The following TRIM33 variants were observed in gnomAD, a reference collection of about 807,000 sequenced individuals.
TRIM33 encodes the protein tripartite motif containing 33.
Under a neutral mutation model 125.4 loss-of-function variants are expected in TRIM33, and 20 were observed. That is an observed-to-expected ratio of 0.16 (90% CI 0.11 to 0.23). The LOEUF (loss-of-function observed/expected upper bound fraction) is 0.23, where lower values mean the gene tolerates loss of function less well. TRIM33 is among the 10% of genes least tolerant of loss of function. TRIM33 has a pLI of 1.00. For synonymous variants in TRIM33, 564 were observed against 513.9 expected (o/e 1.10, Z -1.32); for missense variants, 920 against 1,411.4 (o/e 0.65, Z 5.58).
At chr1:114,416,320 C>T (rs1572027413) in intron 11 of TRIM33, among the ~76,000 whole-genome samples, 1 of 152,280 alleles carries the variant, frequency 6.6e-6, no homozygotes, top group South Asian at 2.1e-4. Flanking sequence ...ATAAGTGAAA[C>T]ACTAAATATA....
intron 4 of TRIM33, among the ~76,000 whole-genome samples, chr1:114,438,258 A>G (rs920395439): frequency 1.3e-5 from 2 of 152,212 alleles, no homozygotes; most frequent in African/African-American, 2.4e-5. Flanking sequence ...AAAATGCATC[A>G]TAGTGCTTTA....
At position 114,421,597 on chromosome 1, in the gene TRIM33, A is replaced by G; in HGVS notation, c.1900T>C (p.Ser634Pro). ...GGGTTGATTGTGGTGTTGTGTACCGATACTACGGGAAAGGGTCCAGCATGC... is the reference window on the plus strand; with the variant it reads ...GGGTTGATTGTGGTGTTGTGTACCGGTACTACGGGAAAGGGTCCAGCATGC... Reference protein sequence around the residue: ...PGHAGPFPVVSVHNTTINPTS... With the variant: ...PGHAGPFPVVPVHNTTINPTS... Residue 634 changes from serine to proline, a missense_variant, in exon 11 of 20, where the codon TCG (serine) becomes CCG (proline). By Grantham distance (74) the Ser-to-Pro change is moderately conservative. This residue lies in a region of TRIM33 where 407 missense variants were observed against 589.7 expected (regional missense o/e 0.69). Coordinates refer to ENST00000358465, the MANE Select transcript of TRIM33 (RefSeq NM_015906.4). 1 of 1,614,112 alleles carries G rather than the reference A, an allele frequency of 6.2e-7. No individual in the cohort carries two copies. Among genetic ancestry groups the G allele is most frequent in the Non-Finnish European group, 8.5e-7 (1 of 1,180,008 alleles).
chr1:114,405,275 C>G (rs973998077), intron 15 of TRIM33, 135 bp downstream of exon 15: 1 of 650,722 alleles, frequency 1.5e-6, no homozygotes, highest in African/African-American at 1.8e-5. Flanking sequence ...GAAGCTAATA[C>G]CAAAAGAATA....
At chr1:114,487,117 A>G (rs1231136590) in intron 1 of TRIM33, among the ~76,000 whole-genome samples, 2 of 151,940 alleles carry the variant, frequency 1.3e-5, no homozygotes, top group Non-Finnish European at 2.9e-5. Flanking sequence ...TTGAACAAAT[A>G]ATGACTGAAA....
At chr1:114,417,648 A>AT (rs1553207735) in intron 11 of TRIM33, among the ~76,000 whole-genome samples, 2 of 151,874 alleles carry the variant, frequency 1.3e-5, no homozygotes, top group Non-Finnish European at 2.9e-5. Flanking sequence ...AACTTTTCTT[A>AT]TTATTTATTT....
intron 10 of TRIM33, 54 bp from the exon 11 acceptor site, chr1:114,421,690 A>C (rs954892230): frequency 6.1e-5 from 94 of 1,543,920 alleles, no homozygotes; most frequent in Non-Finnish European, 7.0e-5. Flanking sequence ...CGCTGAATAT[A>C]AACTATACCT....
chr1:114,413,190 G>T (rs2101117129), intron 11 of TRIM33, among the ~76,000 whole-genome samples: 1 of 151,880 alleles, frequency 6.6e-6, no homozygotes, highest in East Asian at 1.9e-4. Context: ...ACCAACAGAG[G>T]GCTAAAAAAA....
At position 114,510,617 on chromosome 1, in the gene TRIM33, G is replaced by C; in HGVS notation, c.460C>G (p.Leu154Val). Residue 154 changes from leucine to valine, a missense_variant, in exon 1 of 20, where the codon CTG (leucine) becomes GTG (valine). Physicochemically the swap from Leu to Val is conservative, Grantham distance 32. Transcript: ENST00000358465. The stretch of plus-strand genomic sequence containing the variant: ...CTGAGCTGGCGCTCCGGCTCGGGCA[G>C]GCAGCGCAGGCAGAAGGAGTGAAGA... ...PCLHSFCLRC[L>V]PEPERQLSVP... The C allele has an allele frequency of 6.4e-7, 1 of 1,562,228 alleles. No individual in the cohort carries two copies. Among genetic ancestry groups the C allele is most frequent in the Non-Finnish European group, 8.6e-7 (1 of 1,160,606 alleles).
intron 16 of TRIM33, 54 bp from the exon 17 acceptor site, chr1:114,401,517 A>G (rs1193924528): frequency 6.9e-7 from 1 of 1,455,558 alleles, no homozygotes; most frequent in African/African-American, 1.4e-5. Context: ...CTAATAAAAC[A>G]TTCTCGAGAA....
chr1:114,494,674 T>A (rs1381259492), intron 1 of TRIM33, among the ~76,000 whole-genome samples: 1 of 152,148 alleles, frequency 6.6e-6, no homozygotes, highest in Non-Finnish European at 1.5e-5. Flanking sequence ...AAAAATGATA[T>A]TCAAAGGCCA....
At chr1:114,475,567 C>T (rs1446725701) in intron 1 of TRIM33, among the ~76,000 whole-genome samples, 3 of 152,122 alleles carry the variant, frequency 2.0e-5, no homozygotes, top group African/African-American at 4.8e-5. Flanking sequence ...CCTGTAGTCC[C>T]AGCTACTCGG....
intron 16 of TRIM33, 60 bp from the exon 17 acceptor site, chr1:114,401,523 G>T: frequency 1.4e-6 from 2 of 1,411,156 alleles, no homozygotes; most frequent in South Asian, 1.2e-5. Context: ...AAACATTCTC[G>T]AGAATGAGAA....
intron 4 of TRIM33, among the ~76,000 whole-genome samples, chr1:114,455,077 A>G (rs560708640): frequency 6.6e-6 from 1 of 152,160 alleles, no homozygotes; most frequent in Non-Finnish European, 1.5e-5. Context: ...AGAATGGAAG[A>G]GTGTGTCTAG....
chr1:114,467,483 A>G (rs1650369032), intron 1 of TRIM33, among the ~76,000 whole-genome samples: 1 of 152,106 alleles, frequency 6.6e-6, no homozygotes, highest in African/African-American at 2.4e-5. Context: ...TGTAGTTATG[A>G]CTGCTGAGGA....
At chr1:114,457,738 G>C (rs1049786446) in intron 4 of TRIM33, among the ~76,000 whole-genome samples, 1 of 152,176 alleles carries the variant, frequency 6.6e-6, no homozygotes, top group Non-Finnish European at 1.5e-5. Flanking sequence ...GAGCAGTTTG[G>C]TTTATGGACA....
chr1:114,444,600 C>T (rs1648863028), intron 4 of TRIM33, among the ~76,000 whole-genome samples: 1 of 152,216 alleles, frequency 6.6e-6, no homozygotes, highest in Admixed American at 6.5e-5. Context: ...GTACCACCAA[C>T]TTAGAAAGGC....
intron 4 of TRIM33, among the ~76,000 whole-genome samples, chr1:114,457,691 G>A (rs922157236): frequency 6.6e-6 from 1 of 152,188 alleles, no homozygotes; most frequent in African/African-American, 2.4e-5. Context: ...GATCGGATGG[G>A]TGCTACACTA....
intron 1 of TRIM33, among the ~76,000 whole-genome samples, chr1:114,482,653 T>C (rs1229544702): frequency 1.3e-5 from 2 of 152,216 alleles, no homozygotes; most frequent in African/African-American, 2.4e-5. Context: ...TCTCCAATGT[T>C]GGAGGAGGGC....
Position 114,427,299 on chromosome 1 carries a change from A to T in TRIM33, c.1303-5T>A, listed in dbSNP as rs1315912349. On this transcript the variant is annotated splice_region_variant and splice_polypyrimidine_tract_variant and intron_variant, in intron 7 of 19. Transcript: ENST00000358465. ...ATGACGCAACTGGAAAGTAATCTTA[A>T]AGGGAAAAAAATCCACATTAGTCTC... 2.1e-6 allele frequency: 3 copies of T among 1,460,656 alleles called. No homozygotes were observed. In the South Asian group the frequency reaches 3.7e-5, roughly 18 times the overall value. The allele number at this position is 1,460,656 out of a possible 1,614,324, so 90.5% of individuals were successfully genotyped here.
Sources: allele counts gnomAD v4.1 joint callset (sites outside exome capture counted in the v4.1 genomes callset), GRCh38; gene constraint gnomAD v4.1.1; regional missense constraint gnomAD v4.1.1; transcripts MANE v1.5; gene names NCBI Gene and HGNC (gene_info 2026-07-23, HGNC 2026-07-21).